Variants in INPP4B observed in about 807,000 individuals in gnomAD.
The protein encoded by INPP4B is inositol polyphosphate 4-phosphatase type II.
INPP4B carries 55 observed loss-of-function variants against 122.5 expected under a neutral mutation model. That is an observed-to-expected ratio of 0.45 (90% CI 0.36 to 0.56). The LOEUF (loss-of-function observed/expected upper bound fraction) is 0.56. Among genes scored for constraint, INPP4B ranks in the 20% least tolerant of loss-of-function variants. INPP4B has a pLI of 0.00. For missense variants in INPP4B, 1,000 were observed against 1,097.7 expected (o/e 0.91, Z 1.26); for synonymous variants, 403 against 388.7 (o/e 1.04, Z -0.43).
At chr4:142,118,543 A>G (rs1401623828) in intron 21 of INPP4B, among the ~76,000 whole-genome samples, 1 of 152,190 alleles carries the variant, frequency 6.6e-6, no homozygotes, top group East Asian at 1.9e-4. Context: ...AGAAATGGGG[A>G]AAGGATTCCC....
At chr4:142,796,703 TAATGAAG>T (rs1777285217) in intron 1 of INPP4B, among the ~76,000 whole-genome samples, 2 of 152,172 alleles carry the variant, frequency 1.3e-5, no homozygotes, top group South Asian at 4.1e-4. Context: ...AGACTATTGA[TAATGAAG>T]TTGGCACCTA....
chr4:142,753,152 AGTTTT>A (rs1769984677), intron 1 of INPP4B, among the ~76,000 whole-genome samples: 1 of 152,090 alleles, frequency 6.6e-6, no homozygotes, highest in Non-Finnish European at 1.5e-5. Context: ...TCAACACAAT[AGTTTT>A]ATAAGACCGT....
rs145418866 is a variant in INPP4B, at chr4:142,635,304, T to A, written c.-191+90535A>T. Among the ~76,000 whole-genome samples, 106 of 152,308 alleles carry A rather than the reference T, an allele frequency of 7.0e-4. No homozygotes were observed. The East Asian group carries it at 0.016, about 23-fold the overall frequency. ...TTATTGTGGAAGGCAGTATAGCAATTCCTCAAACAGCTAAAAATAGAACTA... is the reference window on the plus strand; with the variant it reads ...TTATTGTGGAAGGCAGTATAGCAATACCTCAAACAGCTAAAAATAGAACTA... On this transcript the variant is annotated intron_variant, in intron 2 of 25. Transcript: ENST00000262992.
intron 1 of INPP4B, among the ~76,000 whole-genome samples, chr4:142,799,427 G>T (rs1281869956): frequency 6.6e-6 from 1 of 151,506 alleles, no homozygotes; most frequent in African/African-American, 2.4e-5. Context: ...TGATACTTTG[G>T]CAATTATCTC....
At chr4:142,490,809 A>G (rs1580197222) in intron 2 of INPP4B, among the ~76,000 whole-genome samples, 1 of 152,190 alleles carries the variant, frequency 6.6e-6, no homozygotes, top group Non-Finnish European at 1.5e-5. Context: ...GAGATCATGC[A>G]TGCAATATTT....
intron 23 of INPP4B, among the ~76,000 whole-genome samples, chr4:142,099,178 A>G (rs1257111980): frequency 1.3e-5 from 2 of 152,114 alleles, no homozygotes. Context: ...AGTTTAGGTG[A>G]AAAAATGGGT....
intron 7 of INPP4B, among the ~76,000 whole-genome samples, chr4:142,398,628 ATAAAT>A (rs71885645): frequency 0.52 from 78,204 of 150,232 alleles, 23,334 homozygotes; most frequent in South Asian, 0.78. Context: ...TGAAATAAAA[ATAAAT>A]TAAATGCAAA....
chr4:142,588,487 C>T (rs1468448561), intron 2 of INPP4B, among the ~76,000 whole-genome samples: 1 of 151,378 alleles, frequency 6.6e-6, no homozygotes, highest in African/African-American at 2.4e-5. Flanking sequence ...GGTTAATATA[C>T]AAAAGTCAAT....
intron 23 of INPP4B, among the ~76,000 whole-genome samples, chr4:142,103,782 C>CTGTA (rs1785633156): frequency 6.6e-6 from 1 of 151,834 alleles, no homozygotes; most frequent in Non-Finnish European, 1.5e-5. Flanking sequence ...TAATGTGAGG[C>CTGTA]TTACAGTAAA....
chr4:142,669,729 G>T (rs933912671), intron 2 of INPP4B, among the ~76,000 whole-genome samples: 9 of 152,140 alleles, frequency 5.9e-5, no homozygotes, highest in Non-Finnish European at 7.4e-5. Flanking sequence ...TAGGGGAAAA[G>T]TTCCATAACA....
At chr4:142,186,021 C>T (rs1176888993) in intron 15 of INPP4B, among the ~76,000 whole-genome samples, 2 of 151,560 alleles carry the variant, frequency 1.3e-5, no homozygotes, top group African/African-American at 2.4e-5. Flanking sequence ...TGGTTCTAAT[C>T]AAAAACTTAG....
chr4:142,157,533 A>G (rs113458851), intron 17 of INPP4B, among the ~76,000 whole-genome samples: 5 of 152,136 alleles, frequency 3.3e-5, no homozygotes, highest in Non-Finnish European at 7.4e-5. Flanking sequence ...GTTCAGAAGG[A>G]GGCTTAGAAA....
chr4:142,601,461 C>T (rs1447039192), intron 2 of INPP4B, among the ~76,000 whole-genome samples: 1 of 147,736 alleles, frequency 6.8e-6, no homozygotes, highest in Admixed American at 6.8e-5. Context: ...ACTATTGGGG[C>T]AATAAAGAAA....
intron 7 of INPP4B, among the ~76,000 whole-genome samples, chr4:142,386,578 T>G (rs1244167859): frequency 6.6e-6 from 1 of 152,206 alleles, no homozygotes; most frequent in Admixed American, 6.5e-5. Context: ...TTCAACCACT[T>G]GAACACTGCT....
In INPP4B at chr4:142,337,847, T is replaced by C. The variant is rs367977305; in HGVS notation, c.373-23085A>G. ...TATGTGTTGCATATTTCTTCCTCTCTCTACAACTTGTCTCTTTTTATGGTG... is the reference window on the plus strand; with the variant it reads ...TATGTGTTGCATATTTCTTCCTCTCCCTACAACTTGTCTCTTTTTATGGTG... On this transcript the variant is annotated intron_variant, in intron 7 of 25. Coordinates refer to ENST00000262992, the MANE Select transcript of INPP4B (RefSeq NM_001101669.3). Among the ~76,000 whole-genome samples the C allele has an allele frequency of 6.6e-5, 10 of 150,580 alleles. No homozygotes were observed. In the East Asian group the frequency reaches 1.6e-3, roughly 23 times the overall value.
chr4:142,743,118 T>G (rs952046153), intron 1 of INPP4B, among the ~76,000 whole-genome samples: 6 of 151,968 alleles, frequency 3.9e-5, no homozygotes, highest in African/African-American at 1.4e-4. Flanking sequence ...GTCCATTCTG[T>G]ACAAACAACC....
intron 7 of INPP4B, among the ~76,000 whole-genome samples, chr4:142,345,023 A>G (rs546409869): frequency 1.3e-5 from 2 of 152,144 alleles, no homozygotes; most frequent in East Asian, 3.9e-4. Context: ...TGATTTGGGT[A>G]GAAGTGCACC....
chr4:142,133,047 C>T (rs963841042), intron 18 of INPP4B, among the ~76,000 whole-genome samples: 17 of 152,134 alleles, frequency 1.1e-4, no homozygotes, highest in East Asian at 3.9e-4. Context: ...TTTCTAACCC[C>T]GGCTTTCAGG....
intron 2 of INPP4B, among the ~76,000 whole-genome samples, chr4:142,719,535 G>A (rs1435321048): frequency 1.3e-5 from 2 of 151,820 alleles, no homozygotes; most frequent in Non-Finnish European, 2.9e-5. Context: ...TGTTGCCCAG[G>A]CTGGTCTCAA....
Sources: gnomAD v4.1 joint callset for allele counts (sites outside exome capture counted in the v4.1 genomes callset) on GRCh38, gnomAD v4.1.1 for gene constraint, MANE v1.5 for transcripts, NCBI Gene and HGNC (gene_info 2026-07-23, HGNC 2026-07-21) for gene names.